DENND1A: variants seen among roughly 807,000 people sequenced by gnomAD.
The protein encoded by DENND1A is DENN domain-containing protein 1A.
Under a neutral mutation model 113.7 loss-of-function variants are expected in DENND1A, and 51 were observed. The observed-to-expected ratio is 0.45, with a 90% CI of 0.36 to 0.57. DENND1A has a LOEUF of 0.57. Among genes scored for constraint, DENND1A ranks in the 20% least tolerant of loss-of-function variants. The pLI is 0.00. For synonymous variants in DENND1A, 565 were observed against 570.8 expected (o/e 0.99, Z 0.14); for missense variants, 1,258 against 1,395.9 (o/e 0.90, Z 1.57).
chr9:123,652,175 A>G (rs1352661953), intron 8 of DENND1A, 52 bp from the exon 9 acceptor site: 1 of 1,411,966 alleles, frequency 7.1e-7, no homozygotes, highest in Non-Finnish European at 1.0e-6. Flanking sequence ...TGTTCTTATT[A>G]TAACTGTATC....
Position 123,571,313 on chromosome 9 carries a change from T to C in DENND1A, c.867+11856A>G, listed in dbSNP as rs571272332. Among the ~76,000 whole-genome samples the C allele has an allele frequency of 4.9e-4, 74 of 152,342 alleles. 3 individuals are homozygous for C. The South Asian group carries it at 0.014, about 29-fold the overall frequency. ...TTTTAAAAATTAACTAAGTCATAAC[T>C]GATATATAATAGAATGCATACACTT... is the stretch of plus-strand genomic sequence containing the variant. On this transcript the variant is annotated intron_variant, in intron 12 of 23. Transcript: ENST00000394215.
intron 2 of DENND1A, among the ~76,000 whole-genome samples, chr9:123,858,040 C>T (rs1414069947): frequency 7.7e-6 from 1 of 130,366 alleles, no homozygotes; most frequent in African/African-American, 2.9e-5. Context: ...GCCTGGGCGA[C>T]AGAGCGAGAC....
chr9:123,744,086 A>G (rs959946282), intron 5 of DENND1A, among the ~76,000 whole-genome samples: 8 of 152,242 alleles, frequency 5.3e-5, no homozygotes, highest in African/African-American at 1.9e-4. Context: ...AAATATGTAA[A>G]TTATTGTGCA....
At chr9:123,507,343 C>T (rs1321442940) in intron 13 of DENND1A, among the ~76,000 whole-genome samples, 1 of 152,146 alleles carries the variant, frequency 6.6e-6, no homozygotes, top group Non-Finnish European at 1.5e-5. Flanking sequence ...TTATTATATA[C>T]AAAAGGATGA....
chr9:123,490,533 G>A (rs1255265279), intron 13 of DENND1A, among the ~76,000 whole-genome samples: 1 of 152,050 alleles, frequency 6.6e-6, no homozygotes, highest in Non-Finnish European at 1.5e-5. Flanking sequence ...AGGTTATAGT[G>A]AGCCAAGATC....
chr9:123,517,147 G>A (rs1348207743), intron 13 of DENND1A, among the ~76,000 whole-genome samples: 2 of 151,586 alleles, frequency 1.3e-5, no homozygotes, highest in South Asian at 2.1e-4. Context: ...CAGCTACTCG[G>A]GAGGCTGAGG....
chr9:123,872,374 T>C (rs1450497152), intron 2 of DENND1A, among the ~76,000 whole-genome samples: 1 of 152,310 alleles, frequency 6.6e-6, no homozygotes, highest in East Asian at 1.9e-4. Flanking sequence ...ATAAACATGA[T>C]GTAATAATTC....
At chr9:123,711,168 TA>T (rs1462267749) in intron 5 of DENND1A, among the ~76,000 whole-genome samples, 1 of 151,754 alleles carries the variant, frequency 6.6e-6, no homozygotes, top group Non-Finnish European at 1.5e-5. Flanking sequence ...TTTTGTCAAT[TA>T]AAAAATATAT....
intron 7 of DENND1A, among the ~76,000 whole-genome samples, chr9:123,668,625 C>T (rs1036815866): frequency 9.2e-5 from 14 of 152,204 alleles, no homozygotes; most frequent in African/African-American, 3.4e-4. Context: ...CTCTTTCCAC[C>T]ATGACAGACT....
chr9:123,916,224 C>T (rs1221319770), intron 1 of DENND1A, among the ~76,000 whole-genome samples: 1 of 151,858 alleles, frequency 6.6e-6, no homozygotes, highest in African/African-American at 2.4e-5. Context: ...GAGGAAGAGC[C>T]CCACATTCCC....
chr9:123,655,961 G>A (rs1284966237), intron 8 of DENND1A, among the ~76,000 whole-genome samples: 3 of 152,200 alleles, frequency 2.0e-5, no homozygotes, highest in African/African-American at 7.2e-5. Context: ...AACTAACTGT[G>A]ATCTCCATCT....
rs1588230502 is a variant in DENND1A at position 123,379,666 on chromosome 9, G to A, written c.*1766C>T. On this transcript the variant is annotated 3_prime_UTR_variant, in exon 24 of 24. Transcript: ENST00000394215. ...ACGGGGATGCCAGCCTCTTCCCCAA[G>A]ATGATTTTATTGAATGCACACAAAG... is the stretch of plus-strand genomic sequence containing the variant. 6.6e-6 allele frequency: 1 copy of A among 152,410 alleles called. No individual in the cohort carries two copies. Among genetic ancestry groups the A allele is most frequent in the African/African-American group, 2.4e-5 (1 of 41,592 alleles). The allele number at this position is 152,410 out of a possible 1,614,324, so 9.4% of individuals were successfully genotyped here. A position where few individuals can be genotyped will look rare whatever the true frequency, so the allele number is the denominator to read the frequency against.
intron 5 of DENND1A, among the ~76,000 whole-genome samples, chr9:123,699,688 C>CTTTTTTT (rs34215948): frequency 8.8e-4 from 99 of 112,412 alleles, no homozygotes; most frequent in South Asian, 1.2e-3. Flanking sequence ...TTCTTTCTTT[C>CTTTTTTT]TTTTTTTTTT....
At chr9:123,922,329 C>A (rs965409680) in intron 1 of DENND1A, among the ~76,000 whole-genome samples, 1 of 152,090 alleles carries the variant, frequency 6.6e-6, no homozygotes, top group African/African-American at 2.4e-5. Context: ...CAGTGGCCTC[C>A]CATTTTTTTC....
intron 20 of DENND1A, among the ~76,000 whole-genome samples, chr9:123,404,021 T>C (rs568621203): frequency 6.6e-6 from 1 of 152,332 alleles, no homozygotes; most frequent in East Asian, 1.9e-4. Flanking sequence ...CAAATCGTCT[T>C]TCTGCTTCCC....
intron 5 of DENND1A, among the ~76,000 whole-genome samples, chr9:123,735,311 T>C (rs1289257961): frequency 6.6e-6 from 1 of 152,204 alleles, no homozygotes; most frequent in South Asian, 2.1e-4. Flanking sequence ...GTACACTCTC[T>C]CTCTCTCGCA....
chr9:123,696,696 A>G (rs1262068865), intron 5 of DENND1A, among the ~76,000 whole-genome samples: 2 of 152,224 alleles, frequency 1.3e-5, no homozygotes, highest in Non-Finnish European at 1.5e-5. Flanking sequence ...ATGAATCAGC[A>G]GTTCTTATAA....
chr9:123,598,982 A>G (rs1406426314), intron 11 of DENND1A, among the ~76,000 whole-genome samples: 2 of 152,212 alleles, frequency 1.3e-5, no homozygotes, highest in Non-Finnish European at 2.9e-5. Flanking sequence ...GAAGGATTTT[A>G]GGCAAGACAC....
intron 12 of DENND1A, among the ~76,000 whole-genome samples, chr9:123,575,184 G>A (rs1027950754): frequency 5.3e-5 from 8 of 152,136 alleles, no homozygotes; most frequent in African/African-American, 9.7e-5. Flanking sequence ...GATGGTTTTG[G>A]GATGAAACTC....
Sources: gnomAD v4.1 joint callset for allele counts (sites outside exome capture counted in the v4.1 genomes callset) on GRCh38, gnomAD v4.1.1 for gene constraint, MANE v1.5 for transcripts, NCBI Gene and HGNC (gene_info 2026-07-23, HGNC 2026-07-21) for gene names.